Variants in AFG2A observed in about 807,000 individuals in gnomAD.
The protein encoded by AFG2A is AAA ATPase AFG2A.
At chr4:123,007,054 G>T in the AFG2A span, among the ~76,000 whole-genome samples, 67 of 151,526 alleles carry the variant, frequency 4.4e-4, no homozygotes, top group African/African-American at 1.5e-3. Flanking sequence ...ATTTTACCTT[G>T]TTGGGAGGTG....
chr4:123,076,739 A>G, the AFG2A span, among the ~76,000 whole-genome samples: 1 of 152,078 alleles, frequency 6.6e-6, no homozygotes, highest in Admixed American at 6.6e-5. Flanking sequence ...CCCCCAAAAG[A>G]AATCAATGTA....
chr4:123,313,750 T>G, the AFG2A span: 1 of 729,152 alleles, frequency 1.4e-6, no homozygotes, highest in South Asian at 2.9e-5. Flanking sequence ...TTGAGTGGAC[T>G]AATTCTTGCA....
At chr4:123,184,000 T>G in the AFG2A span, among the ~76,000 whole-genome samples, 1 of 152,134 alleles carries the variant, frequency 6.6e-6, no homozygotes, top group Non-Finnish European at 1.5e-5. Context: ...CTTGCCATGT[T>G]GCCCAGACTG....
chr4:123,025,575 G>A, the AFG2A span, among the ~76,000 whole-genome samples: 2 of 151,922 alleles, frequency 1.3e-5, no homozygotes, highest in African/African-American at 4.8e-5. Flanking sequence ...AAGAGGATTT[G>A]AAAGTTGTAT....
chr4:123,113,488 C>G, the AFG2A span, among the ~76,000 whole-genome samples: 3 of 151,466 alleles, frequency 2.0e-5, no homozygotes, highest in African/African-American at 2.4e-5. Context: ...AGCGTCATAT[C>G]CAGTTAATAT....
At chr4:122,977,648 T>C in the AFG2A span, among the ~76,000 whole-genome samples, 57 of 152,356 alleles carry the variant, frequency 3.7e-4, no homozygotes, top group African/African-American at 1.3e-3. Context: ...GTGGGCGTGT[T>C]TCAGTCCTGT....
the AFG2A span, among the ~76,000 whole-genome samples, chr4:123,059,898 TG>T: frequency 6.6e-6 from 1 of 152,352 alleles, no homozygotes; most frequent in African/African-American, 2.4e-5. Flanking sequence ...ATTTCTCTGA[TG>T]GCCAGTGATG....
the AFG2A span, among the ~76,000 whole-genome samples, chr4:123,207,860 A>C: frequency 2.6e-5 from 4 of 152,188 alleles, no homozygotes; most frequent in Non-Finnish European, 5.9e-5. Context: ...CACTAACCAA[A>C]GTGATCTATG....
At chr4:123,074,205 C>G in the AFG2A span, among the ~76,000 whole-genome samples, 1 of 149,730 alleles carries the variant, frequency 6.7e-6, no homozygotes, top group Non-Finnish European at 1.5e-5. Context: ...GCAATTCACC[C>G]TGCCTCTGCC....
the AFG2A span, among the ~76,000 whole-genome samples, chr4:123,232,119 A>T: frequency 6.6e-6 from 1 of 152,012 alleles, no homozygotes; most frequent in Non-Finnish European, 1.5e-5. Flanking sequence ...CACAATTTAC[A>T]ATATAATACA....
At chr4:122,979,087 G>A in the AFG2A span, 12 of 910,136 alleles carry the variant, frequency 1.3e-5, no homozygotes, top group Admixed American at 6.0e-5. Context: ...CACTGGCTTC[G>A]TGGAGTATGC....
the AFG2A span, among the ~76,000 whole-genome samples, chr4:123,041,877 T>A: frequency 6.6e-6 from 1 of 152,128 alleles, no homozygotes; most frequent in Non-Finnish European, 1.5e-5. Flanking sequence ...TAGAAAAAAA[T>A]CAGGCAGAAA....
the AFG2A span, among the ~76,000 whole-genome samples, chr4:122,939,610 C>T: frequency 6.6e-6 from 1 of 151,270 alleles, no homozygotes; most frequent in Non-Finnish European, 1.5e-5. Flanking sequence ...CTCTTTTGCA[C>T]ATTAAAAAGC....
chr4:123,310,249 A>C, the AFG2A span, among the ~76,000 whole-genome samples: 1 of 152,246 alleles, frequency 6.6e-6, no homozygotes, highest in Non-Finnish European at 1.5e-5. Context: ...AGAGCTTTAG[A>C]GAGGACTGGC....
At chr4:122,924,409 G>C in the AFG2A span, among the ~76,000 whole-genome samples, 15 of 152,104 alleles carry the variant, frequency 9.9e-5, no homozygotes, top group Admixed American at 9.8e-4. Flanking sequence ...TGTGGTCTCC[G>C]AGCATCTCCG....
At chr4:123,128,709 G>T in the AFG2A span, among the ~76,000 whole-genome samples, 1 of 151,602 alleles carries the variant, frequency 6.6e-6, no homozygotes, top group Non-Finnish European at 1.5e-5. Context: ...TCTGTTCAGT[G>T]ACTGAAAAAA....
At chr4:123,090,455 A>G in the AFG2A span, 29 of 1,086,342 alleles carry the variant, frequency 2.7e-5, no homozygotes, top group Admixed American at 7.8e-4. Context: ...TCTCAAATGC[A>G]TACTTCATAT....
the AFG2A span, among the ~76,000 whole-genome samples, chr4:123,242,592 A>G: frequency 6.6e-6 from 1 of 152,240 alleles, no homozygotes; most frequent in South Asian, 2.1e-4. Context: ...TTATACAAAA[A>G]TTAATTCAAG....
the AFG2A span, chr4:122,923,133 C>T: frequency 3.1e-6 from 5 of 1,613,954 alleles, no homozygotes; most frequent in South Asian, 4.4e-5. Flanking sequence ...GGCTAGGGTA[C>T]CTTGTGACCA....
Sources: gnomAD v4.1 joint callset for allele counts (sites outside exome capture counted in the v4.1 genomes callset) on GRCh38, gnomAD v4.1.1 for gene constraint, MANE v1.5 for transcripts, NCBI Gene and HGNC (gene_info 2026-07-23, HGNC 2026-07-21) for gene names.